MIA3: variants seen among roughly 807,000 people sequenced by gnomAD.
The protein encoded by MIA3 is MIA SH3 domain ER export factor 3, also known as transport and Golgi organization protein 1 homolog.
A neutral mutation model predicts 192.4 loss-of-function variants in MIA3; 90 were observed. That is an observed-to-expected ratio of 0.47 (90% CI 0.39 to 0.56). The LOEUF is 0.56. Among genes scored for constraint, MIA3 ranks in the 20% least tolerant of loss-of-function variants. MIA3 has a pLI of 0.00. For missense variants in MIA3, 2,123 were observed against 2,269.4 expected (o/e 0.94, Z 1.31); for synonymous variants, 740 against 792.8 (o/e 0.93, Z 1.12).
chr1:222,653,190 A>G, intron 14 of MIA3, 38 bp from the exon 15 acceptor site: 1 of 1,596,704 alleles, frequency 6.3e-7, no homozygotes, highest in South Asian at 1.1e-5. Flanking sequence ...GTTGAATTAA[A>G]TGGAAAGACT....
At position 222,624,827 on chromosome 1, in the gene MIA3, C is replaced by A; in HGVS notation, c.327C>A (p.Thr109=). 1 of 1,596,494 alleles carries A rather than the reference C, an allele frequency of 6.3e-7. No homozygotes were observed. Among genetic ancestry groups the A allele is most frequent in the South Asian group, 1.1e-5 (1 of 90,340 alleles). ...KDLIQVVHEY[T]KEELQVPTDE... ...TAATCCAGGTAGTTCATGAATATAC[C>A]AAAGAAGAGCTACAAGTTCCAACAG... The change falls in exon 3 of 28, where the codon ACC becomes ACA. Residue 109 remains threonine (T), a synonymous_variant. Transcript: ENST00000344922.
At position 222,660,267 on chromosome 1, in the gene MIA3, C is replaced by G; in HGVS notation, c.5066C>G (p.Pro1689Arg). ...TTGACAGTGGAGCCACCCGTGAGAC[C>G]TCTCTCTGCTACTCTCAATCGAAGA... ...PPLTVEPPVR[P>R]LSATLNRRDM... The change falls in exon 24 of 28, where the codon CCT (proline) becomes CGT (arginine). Residue 1689 changes from proline to arginine, a missense_variant. By Grantham distance (103) the Pro-to-Arg change is moderately radical. Transcript: ENST00000344922. The G allele has an allele frequency of 6.2e-7, 1 of 1,614,026 alleles. No homozygotes were observed.
At position 222,642,309 on chromosome 1, in the gene MIA3, T is replaced by G. The variant is rs368513614; in HGVS notation, c.3478-3245T>G. Among the ~76,000 whole-genome samples, 3 of 152,252 alleles carry G rather than the reference T, an allele frequency of 2.0e-5. No homozygotes were observed. In the East Asian group the frequency reaches 5.8e-4, roughly 29 times the overall value. On this transcript the variant is annotated intron_variant, in intron 6 of 27. Coordinates refer to ENST00000344922, the MANE Select transcript of MIA3 (RefSeq NM_198551.4). ...TCAAAGCTGTAAAGAAAAAAAATCC[T>G]AACTTTCTTAGATAAAAGTAGTAGT...
In MIA3 at chr1:222,629,390, G is replaced by A; in HGVS notation, c.2170G>A (p.Asp724Asn). ...PAFLSKVEED[D>N]YPSEELLEDE... is the part of the protein sequence containing the mutation. ...TTTCCTTTCTAAAGTAGAAGAGGAT[G>A]ATTATCCCTCTGAAGAACTACTAGA... is the stretch of plus-strand genomic sequence containing the variant. Residue 724 changes from aspartate (D) to asparagine (N), a missense_variant, in exon 4 of 28, where the codon GAT becomes AAT. Physicochemically the swap from Asp to Asn is conservative, Grantham distance 23. Around this residue, in one of 3 missense-constraint regions of MIA3, gnomAD observed 1,357 missense variants for 1,396.1 expected, o/e 0.97. Coordinates refer to ENST00000344922, the MANE Select transcript of MIA3 (RefSeq NM_198551.4). 2 of 1,614,170 alleles carry A rather than the reference G, an allele frequency of 1.2e-6. No individual in the cohort carries two copies. Among genetic ancestry groups the A allele is most frequent in the Non-Finnish European group, 1.7e-6 (2 of 1,180,026 alleles).
intron 18 of MIA3, among the ~76,000 whole-genome samples, chr1:222,657,890 A>G (rs17531300): frequency 0.086 from 13,042 of 152,286 alleles, 669 homozygotes; most frequent in African/African-American, 0.13. Context: ...CCTTTTTACT[A>G]TAGCTCCTCT....
chr1:222,626,467 T>C (rs901456865), intron 3 of MIA3, among the ~76,000 whole-genome samples: 5 of 152,242 alleles, frequency 3.3e-5, no homozygotes, highest in African/African-American at 1.2e-4. Context: ...ACAGGACAGT[T>C]CTCACCAGAA....
intron 27 of MIA3, chr1:222,665,100 G>C (rs1664211393): frequency 1.8e-6 from 1 of 549,914 alleles, no homozygotes; most frequent in East Asian, 3.2e-5. Flanking sequence ...TGGGGAGTCT[G>C]AGGTGGGAGG....
intron 12 of MIA3, 78 bp downstream of exon 12, chr1:222,652,126 T>TA: frequency 7.4e-7 from 1 of 1,344,852 alleles, no homozygotes; most frequent in East Asian, 2.3e-5. Context: ...TGATATATGC[T>TA]AAAATGTGCA....
In MIA3 at chr1:222,666,988, A is replaced by ATTC. The variant is rs1240438416; in HGVS notation, c.*1373_*1375dup. The ATTC allele has an allele frequency of 2.6e-5, 4 of 152,194 alleles. No homozygotes were observed. The highest frequency in any genetic ancestry group is 5.9e-5 in the Non-Finnish European group (4 of 68,030). 9.4% of individuals were successfully genotyped at this position (152,194 alleles called of 1,614,324 possible). A position where few individuals can be genotyped will look rare whatever the true frequency, so the allele number is the denominator to read the frequency against. On this transcript the variant is annotated 3_prime_UTR_variant, in exon 28 of 28. Coordinates refer to ENST00000344922, the MANE Select transcript of MIA3 (RefSeq NM_198551.4). ...ATACTTTTGTTTGCTGCTAGGCTAT[A>ATTC]TTCTTCCATTCTTTGAAGTCCTATG...
At chr1:222,662,020 A>C (rs1272219431) in intron 24 of MIA3, 36 bp from the exon 25 acceptor site, 19 of 1,555,978 alleles carry the variant, frequency 1.2e-5, no homozygotes, top group Non-Finnish European at 1.7e-5. Flanking sequence ...TTCTTCCAAA[A>C]AATACATATA....
At chr1:222,630,987 T>C (rs903806686) in intron 4 of MIA3, among the ~76,000 whole-genome samples, 6 of 152,204 alleles carry the variant, frequency 3.9e-5, no homozygotes, top group Admixed American at 2.0e-4. Context: ...CCCGAGCCAA[T>C]ATCCTGACAT....
At position 222,666,738 on chromosome 1, in the gene MIA3, TAATA is replaced by T. The variant is rs1326108905; in HGVS notation, c.*1120_*1123del. ...ATATTATTCCAAAATTAATATTAAT[TAATA>T]TTTAAACGTTGGTGTTTTTATTTAA... On this transcript the variant is annotated 3_prime_UTR_variant, in exon 28 of 28. Transcript: ENST00000344922. 1 of 151,992 alleles carries T rather than the reference TAATA, an allele frequency of 6.6e-6. No homozygotes were observed. Among genetic ancestry groups the T allele is most frequent in the Non-Finnish European group, 1.5e-5 (1 of 68,014 alleles). 9.4% of individuals were successfully genotyped at this position (151,992 alleles called of 1,614,324 possible). A position where few individuals can be genotyped will look rare whatever the true frequency, so the allele number is the denominator to read the frequency against.
chr1:222,618,385 C>T (rs1015309718), intron 1 of MIA3, 142 bp downstream of exon 1: 45 of 867,872 alleles, frequency 5.2e-5, no homozygotes, highest in Non-Finnish European at 6.7e-5. Flanking sequence ...GGGTCGCAGG[C>T]GGGATGGGCT....
chr1:222,656,964 C>CT, intron 18 of MIA3, among the ~76,000 whole-genome samples: 1 of 152,166 alleles, frequency 6.6e-6, no homozygotes, highest in East Asian at 1.9e-4. Context: ...GCTTTAAAAT[C>CT]TATGTGGTAA....
At chr1:222,653,683 G>A (rs541585374) in intron 15 of MIA3, among the ~76,000 whole-genome samples, 1 of 152,190 alleles carries the variant, frequency 6.6e-6, no homozygotes, top group African/African-American at 2.4e-5. Context: ...CTCAGTAGCT[G>A]TGTGGTTTTA....
At chr1:222,648,798 C>T (rs1444683034) in intron 7 of MIA3, 31 bp from the exon 8 acceptor site, 1 of 1,182,206 alleles carries the variant, frequency 8.5e-7, no homozygotes, top group Non-Finnish European at 1.3e-6. Flanking sequence ...AAATGTTTGA[C>T]ATCAAATTTA....
At chr1:222,656,770 C>T (rs975886276) in intron 18 of MIA3, among the ~76,000 whole-genome samples, 2 of 152,166 alleles carry the variant, frequency 1.3e-5, no homozygotes, top group African/African-American at 4.8e-5. Context: ...TCTGAATATG[C>T]TTCATTCTGG....
At chr1:222,663,571 T>C (rs1201671515) in intron 26 of MIA3, among the ~76,000 whole-genome samples, 1 of 152,216 alleles carries the variant, frequency 6.6e-6, no homozygotes, top group Non-Finnish European at 1.5e-5. Flanking sequence ...GAAGGTACTC[T>C]GAATAATCGC....
rs746517785 is a variant in MIA3 at position 222,621,293 on chromosome 1, G to A, written c.267+1G>A. Reference sequence around the variant, plus strand: ...ATGGCCTGAAGTTTGGGCTGGAAGTGTAAGTAAAATATCGACATACTTTAT... The same window carrying A: ...ATGGCCTGAAGTTTGGGCTGGAAGTATAAGTAAAATATCGACATACTTTAT... On this transcript the variant is annotated splice_donor_variant, in intron 2 of 27. Coordinates refer to ENST00000344922, the MANE Select transcript of MIA3 (RefSeq NM_198551.4). LOFTEE classifies it high-confidence loss of function. The A allele has an allele frequency of 2.5e-6, 4 of 1,604,614 alleles. No homozygotes were observed. The South Asian group carries it at 4.5e-5, about 18-fold the overall frequency.
Sources: allele counts gnomAD v4.1 joint callset (sites outside exome capture counted in the v4.1 genomes callset), GRCh38; gene constraint gnomAD v4.1.1; regional missense constraint gnomAD v4.1.1; transcripts MANE v1.5; gene names NCBI Gene and HGNC (gene_info 2026-07-23, HGNC 2026-07-21).